The following CFAP206 variants were observed in gnomAD, a reference collection of about 807,000 sequenced individuals.
CFAP206 encodes the protein cilia and flagella associated protein 206.
In CFAP206, 53 loss-of-function variants were observed where a neutral mutation model predicts 65.4. That is an observed-to-expected ratio of 0.81 (90% CI 0.65 to 1.02). The LOEUF is 1.02. Among genes scored for constraint, CFAP206 ranks in the 50% least tolerant of loss-of-function variants. The pLI, the probability that CFAP206 is intolerant of heterozygous loss-of-function variation, is 0.00. For synonymous variants in CFAP206, 250 were observed against 254.4 expected, an observed-to-expected ratio of 0.98 and a Z score of 0.17; for missense variants, 663 against 753.2, an observed-to-expected ratio of 0.88 and a Z score of 1.40.
intron 9 of CFAP206, among the ~76,000 whole-genome samples, chr6:87,430,103 A>G (rs1049196047): frequency 6.6e-6 from 1 of 152,184 alleles, no homozygotes; most frequent in Admixed American, 6.5e-5. Context: ...ACTCCATTGA[A>G]TTGGTCAAGC....
rs776554579 is a variant in CFAP206, at chr6:87,431,142, G to A, written c.1269G>A (p.Thr423=). ...AATATCGGGGATTTTGTGCTTACAC[G>A]TTTGCTGCAACAGATGGTCTTCTCC... ...LIQYRGFCAY[T]FAATDGLLLP... The change falls in exon 10 of 13, where the codon ACG becomes ACA. Residue 423 remains threonine, a synonymous_variant. Transcript: ENST00000369562. 67 of 1,613,718 alleles carry A rather than the reference G, an allele frequency of 4.2e-5. No individual in the cohort carries two copies. The highest frequency in any genetic ancestry group is 1.3e-4 in the East Asian group (6 of 44,874).
At chr6:87,448,310 G>C (rs906522246) in intron 11 of CFAP206, among the ~76,000 whole-genome samples, 3 of 152,132 alleles carry the variant, frequency 2.0e-5, no homozygotes, top group Non-Finnish European at 2.9e-5. Context: ...ACACGCCACT[G>C]TGCCTGGCTT....
In CFAP206 at chr6:87,435,195, A is replaced by G. The variant is rs892581127; in HGVS notation, c.1494+142A>G. 14 of 527,040 alleles carry G rather than the reference A, an allele frequency of 2.7e-5. No individual in the cohort carries two copies. In the South Asian group the frequency reaches 3.7e-4, roughly 14 times the overall value. The allele number at this position is 527,040 out of a possible 1,614,324, so 32.6% of individuals were successfully genotyped here. ...TTTACAGGTTGTCTGAAAGGGATTC[A>G]TATCTGAAGATGAAAACTAATTGAA... On this transcript the variant is annotated intron_variant, in intron 11 of 12. Transcript: ENST00000369562.
intron 9 of CFAP206, among the ~76,000 whole-genome samples, chr6:87,429,637 C>A (rs1281502691): frequency 1.3e-5 from 2 of 152,084 alleles, no homozygotes; most frequent in East Asian, 3.8e-4. Context: ...ATTTTAGACC[C>A]TTCTATCTTA....
intron 10 of CFAP206, among the ~76,000 whole-genome samples, chr6:87,432,937 A>C (rs1392348037): frequency 6.6e-6 from 1 of 152,246 alleles, no homozygotes; most frequent in Non-Finnish European, 1.5e-5. Flanking sequence ...AGTGGAGACC[A>C]CATGCCTTAA....
intron 9 of CFAP206, among the ~76,000 whole-genome samples, chr6:87,429,338 G>A (rs756395864): frequency 6.6e-6 from 1 of 151,968 alleles, no homozygotes; most frequent in African/African-American, 2.4e-5. Flanking sequence ...TAGTGTTATC[G>A]TTCATGTTTT....
At chr6:87,451,289 A>G (rs1461529634) in intron 11 of CFAP206, among the ~76,000 whole-genome samples, 2 of 152,122 alleles carry the variant, frequency 1.3e-5, no homozygotes, top group Non-Finnish European at 1.5e-5. Context: ...GAGGAAAGGG[A>G]AGAGTACAGA....
chr6:87,423,411 G>T (rs968110846), intron 7 of CFAP206, among the ~76,000 whole-genome samples: 3 of 151,590 alleles, frequency 2.0e-5, no homozygotes, highest in African/African-American at 7.3e-5. Flanking sequence ...ACCACGTCCG[G>T]CTAATTTTTT....
chr6:87,460,888 G>T (rs537324276), intron 11 of CFAP206, 134 bp from the exon 12 acceptor site: 1 of 611,232 alleles, frequency 1.6e-6, no homozygotes, highest in Non-Finnish European at 2.7e-6. Flanking sequence ...TTCTTTATTG[G>T]TATTTACAAG....
At chr6:87,440,602 C>A (rs190519958) in intron 11 of CFAP206, among the ~76,000 whole-genome samples, 302 of 152,238 alleles carry the variant, frequency 2.0e-3, no homozygotes, top group Non-Finnish European at 2.9e-3. Context: ...CAATTGCAAT[C>A]ATTTTCTTAA....
In CFAP206 at chr6:87,428,742, A is replaced by G; in HGVS notation, c.1077A>G (p.Leu359=). The G allele has an allele frequency of 2.5e-6, 4 of 1,614,076 alleles. No homozygotes were observed. The highest frequency in any genetic ancestry group is 3.4e-6 in the Non-Finnish European group (4 of 1,179,964). ...AGCCATTCTTGGGTGCTCACGAACT[A>G]TACTTTCCTGAGAGAGTGATGCAAT... ...HIQPFLGAHE[L]YFPERVMQCH... Residue 359 remains leucine, a synonymous_variant, in exon 9 of 13, where the codon CTA becomes CTG. Coordinates refer to ENST00000369562, the MANE Select transcript of CFAP206 (RefSeq NM_001031743.3).
At chr6:87,436,276 C>T (rs761420451) in intron 11 of CFAP206, among the ~76,000 whole-genome samples, 2 of 151,572 alleles carry the variant, frequency 1.3e-5, no homozygotes, top group African/African-American at 2.4e-5. Context: ...AGTAGAGATA[C>T]GGTTTCACCA....
chr6:87,410,695 G>A, intron 3 of CFAP206, 27 bp downstream of exon 3: 2 of 1,551,822 alleles, frequency 1.3e-6, no homozygotes, highest in South Asian at 1.1e-5. Flanking sequence ...CCTCAAATTT[G>A]CAATTACTTA....
In CFAP206 at chr6:87,415,812, A is replaced by G. The variant is rs375104482; in HGVS notation, c.410A>G (p.Tyr137Cys). ...LESLYRKIIS[Y>C]VLLRSGLGSP... ...AGCCTCTACCGGAAGATTATCAGCT[A>G]TGTGTTACTCCGCTCTGGCCTTGGA... The change falls in exon 5 of 13, where the codon TAT becomes TGT. Residue 137 changes from tyrosine (Y) to cysteine (C), a missense_variant. Physicochemically the swap from Tyr to Cys is radical, Grantham distance 194. Coordinates refer to ENST00000369562, the MANE Select transcript of CFAP206 (RefSeq NM_001031743.3). 7 of 1,613,424 alleles carry G rather than the reference A, an allele frequency of 4.3e-6. No individual in the cohort carries two copies. Among genetic ancestry groups the G allele is most frequent in the Admixed American group, 1.7e-5 (1 of 59,984 alleles).
At chr6:87,417,367 C>T (rs1444738810) in intron 6 of CFAP206, among the ~76,000 whole-genome samples, 2 of 151,852 alleles carry the variant, frequency 1.3e-5, no homozygotes, top group Admixed American at 6.6e-5. Context: ...AAATTTGGTA[C>T]TCCTGTAGGC....
At chr6:87,438,845 G>A (rs1388596346) in intron 11 of CFAP206, among the ~76,000 whole-genome samples, 1 of 152,140 alleles carries the variant, frequency 6.6e-6, no homozygotes. Flanking sequence ...TTCCTAACAC[G>A]ATTTACTAAA....
At chr6:87,423,288 G>T (rs1462142469) in intron 7 of CFAP206, among the ~76,000 whole-genome samples, 1 of 146,626 alleles carries the variant, frequency 6.8e-6, no homozygotes, top group Non-Finnish European at 1.5e-5. Context: ...TCGCTCTGTC[G>T]CCCAGGCTGG....
chr6:87,462,567 C>A (rs138585845), intron 12 of CFAP206, among the ~76,000 whole-genome samples: 2 of 152,192 alleles, frequency 1.3e-5, no homozygotes, highest in East Asian at 3.9e-4. Flanking sequence ...AGTGGTGTAA[C>A]AGAAGTGAAA....
intron 11 of CFAP206, among the ~76,000 whole-genome samples, chr6:87,439,140 G>A (rs528642395): frequency 1.3e-5 from 2 of 152,208 alleles, no homozygotes; most frequent in Admixed American, 1.3e-4. Context: ...AACTGGAATT[G>A]CATTAAACTA....
Sources: gnomAD v4.1 joint callset for allele counts (sites outside exome capture counted in the v4.1 genomes callset) on GRCh38, gnomAD v4.1.1 for gene constraint, MANE v1.5 for transcripts, NCBI Gene and HGNC (gene_info 2026-07-23, HGNC 2026-07-21) for gene names.